Variants in MAP3K7 observed in about 807,000 individuals in gnomAD.
MAP3K7 encodes mitogen-activated protein kinase kinase kinase 7, also known as TGF-beta activated kinase 1.
MAP3K7 carries 21 observed loss-of-function variants against 84.8 expected under a neutral mutation model. The observed-to-expected ratio is 0.25, with a 90% CI of 0.18 to 0.36. The LOEUF (loss-of-function observed/expected upper bound fraction) is 0.36, where lower values mean the gene tolerates loss of function less well. Ranked by LOEUF, MAP3K7 falls within the 10% of genes least tolerant of loss-of-function variation. The pLI is 1.00. For synonymous variants in MAP3K7, 241 were observed against 247.7 expected (o/e 0.97, Z 0.25); for missense variants, 503 against 747.7 (o/e 0.67, Z 3.82).
intron 12 of MAP3K7, among the ~76,000 whole-genome samples, chr6:90,543,275 G>A (rs1775908871): frequency 6.6e-6 from 1 of 151,934 alleles, no homozygotes. Context: ...AATAGCAATA[G>A]TAATGATGTT....
At chr6:90,574,599 C>T (rs2127986056) in intron 1 of MAP3K7, among the ~76,000 whole-genome samples, 1 of 152,318 alleles carries the variant, frequency 6.6e-6, no homozygotes, top group Admixed American at 6.5e-5. Context: ...AAATACATCA[C>T]AGCAACTGGT....
intron 12 of MAP3K7, among the ~76,000 whole-genome samples, chr6:90,543,760 G>T (rs891036423): frequency 6.6e-6 from 1 of 151,958 alleles, no homozygotes; most frequent in East Asian, 1.9e-4. Context: ...AGCCTAAAGG[G>T]ATAAATAAAT....
intron 16 of MAP3K7, among the ~76,000 whole-genome samples, chr6:90,517,458 C>T (rs1392987731): frequency 6.6e-6 from 1 of 151,746 alleles, no homozygotes; most frequent in Non-Finnish European, 1.5e-5. Context: ...TCATAGTTTT[C>T]ACAGCCAACA....
In MAP3K7 at chr6:90,554,683, AAAATT is replaced by A. The variant is rs201616605; in HGVS notation, c.608-1102_608-1098del. 7.6e-3 allele frequency among the ~76,000 whole-genome samples: 1,161 copies of A among 152,324 alleles called. 4 individuals are homozygous for A. The highest frequency in any genetic ancestry group is 9.8e-3 in the Non-Finnish European group (665 of 68,030). On this transcript the variant is annotated intron_variant, in intron 6 of 16. Coordinates refer to ENST00000369329, the MANE Select transcript of MAP3K7 (RefSeq NM_145331.3). ...ACAATTAAGGGTTGTCTAGAGCAAT[AAAATT>A]AATCTTTTGTATAAACAAATCTTTT...
chr6:90,532,817 A>G (rs1253307785), intron 13 of MAP3K7, among the ~76,000 whole-genome samples: 2 of 152,250 alleles, frequency 1.3e-5, no homozygotes, highest in Non-Finnish European at 2.9e-5. Flanking sequence ...GCTACAATTC[A>G]TCATCACTTA....
At chr6:90,530,906 G>A (rs1406481165) in intron 13 of MAP3K7, among the ~76,000 whole-genome samples, 3 of 152,118 alleles carry the variant, frequency 2.0e-5, no homozygotes, top group Non-Finnish European at 4.4e-5. Flanking sequence ...AATTCTGAGG[G>A]TCACAAATGC....
rs780760405 is a variant in MAP3K7, at chr6:90,586,810, A to G, written c.74T>C (p.Val25Ala). Residue 25 changes from valine (V) to alanine (A), a missense_variant, in exon 1 of 17, where the codon GTC becomes GCC. This residue lies in a region of MAP3K7 where 41 missense variants were observed against 41.4 expected (regional missense o/e 0.99). Transcript: ENST00000369329. The part of the protein sequence containing the change: ...AGEMIEAPSQ[V>A]LNFEEIDYKE... ...GTAGTCGATCTCTTCAAAGTTGAGG[A>G]CCTGGGAAGGGGCTTCGATCATCTC... 1 of 1,610,198 alleles carries G rather than the reference A, an allele frequency of 6.2e-7. No homozygotes were observed. The highest frequency in any genetic ancestry group is 8.5e-7 in the Non-Finnish European group (1 of 1,178,316).
At chr6:90,540,146 G>T (rs1245447875) in intron 12 of MAP3K7, among the ~76,000 whole-genome samples, 1 of 151,826 alleles carries the variant, frequency 6.6e-6, no homozygotes, top group Non-Finnish European at 1.5e-5. Flanking sequence ...AGTAAGATCT[G>T]ACTCAAAAAC....
At chr6:90,532,871 C>CA (rs1775552196) in intron 13 of MAP3K7, among the ~76,000 whole-genome samples, 1 of 152,086 alleles carries the variant, frequency 6.6e-6, no homozygotes, top group Admixed American at 6.6e-5. Context: ...TATTAGAAGC[C>CA]AAAATACCTA....
chr6:90,533,444 G>A (rs1775570655), intron 13 of MAP3K7, among the ~76,000 whole-genome samples: 1 of 152,192 alleles, frequency 6.6e-6, no homozygotes, highest in Non-Finnish European at 1.5e-5. Flanking sequence ...CTTTGGTTGA[G>A]TGATTTTGGG....
intron 3 of MAP3K7, among the ~76,000 whole-genome samples, 159 bp from the exon 4 acceptor site, chr6:90,561,826 A>G (rs1354248656): frequency 6.6e-6 from 1 of 152,194 alleles, no homozygotes; most frequent in African/African-American, 2.4e-5. Flanking sequence ...AAAGGTATCT[A>G]TGACCTAAGA....
Position 90,513,908 on chromosome 6 carries a change from A to C in MAP3K7, c.*2593T>G, listed in dbSNP as rs1222533086. On this transcript the variant is annotated 3_prime_UTR_variant, in exon 17 of 17. Transcript: ENST00000369329. ...CAAAAATAGTCAAACATCCGTAAAC[A>C]ACTTGTAACAAATCTTTATATGTTG... 1 of 152,134 alleles carries C rather than the reference A, an allele frequency of 6.6e-6. No individual in the cohort carries two copies. Among genetic ancestry groups the C allele is most frequent in the Non-Finnish European group, 1.5e-5 (1 of 67,996 alleles). 9.4% of individuals were successfully genotyped at this position (152,134 alleles called of 1,614,324 possible).
intron 1 of MAP3K7, among the ~76,000 whole-genome samples, chr6:90,581,585 CACAGT>C (rs1777272403): frequency 6.6e-6 from 1 of 152,144 alleles, no homozygotes; most frequent in Admixed American, 6.5e-5. Context: ...TAATACCTGC[CACAGT>C]ACATCTCACC....
At position 90,514,192 on chromosome 6, in the gene MAP3K7, C is replaced by T. The variant is rs1363691626; in HGVS notation, c.*2309G>A. 1.3e-5 allele frequency: 2 copies of T among 151,942 alleles called. No homozygotes were observed. Among genetic ancestry groups the T allele is most frequent in the African/African-American group, 2.4e-5 (1 of 41,378 alleles). The allele number at this position is 151,942 out of a possible 1,614,324, so 9.4% of individuals were successfully genotyped here. On this transcript the variant is annotated 3_prime_UTR_variant, in exon 17 of 17. Coordinates refer to ENST00000369329, the MANE Select transcript of MAP3K7 (RefSeq NM_145331.3). Reference sequence around the variant, plus strand: ...GTCAAAATAAATTGTAAAACCAGAACGAATAAGTTTGGCTCCTTGTTAACA... The same window carrying T: ...GTCAAAATAAATTGTAAAACCAGAATGAATAAGTTTGGCTCCTTGTTAACA...
At chr6:90,548,001 G>C in intron 10 of MAP3K7, 46 bp downstream of exon 10, 1 of 1,511,332 alleles carries the variant, frequency 6.6e-7, no homozygotes, top group Non-Finnish European at 9.0e-7. Context: ...ATAATATTGT[G>C]ACTACTGGTA....
intron 3 of MAP3K7, among the ~76,000 whole-genome samples, chr6:90,562,756 A>C (rs1038081446): frequency 3.3e-5 from 5 of 152,236 alleles, no homozygotes; most frequent in African/African-American, 1.2e-4. Flanking sequence ...TTGAGATCTG[A>C]GAACGGACAG....
chr6:90,553,332 C>A, intron 7 of MAP3K7, 126 bp downstream of exon 7: 1 of 977,556 alleles, frequency 1.0e-6, no homozygotes, highest in Non-Finnish European at 1.5e-6. Flanking sequence ...GCAAAGCAGT[C>A]TCTTAACAAA....
At chr6:90,517,154 C>T (rs910183365) in intron 16 of MAP3K7, among the ~76,000 whole-genome samples, 2 of 151,736 alleles carry the variant, frequency 1.3e-5, no homozygotes, top group African/African-American at 4.8e-5. Flanking sequence ...AAATGCTATC[C>T]AATTTAAAGC....
chr6:90,555,130 C>A (rs1369150716), intron 6 of MAP3K7, among the ~76,000 whole-genome samples: 1 of 152,180 alleles, frequency 6.6e-6, no homozygotes, highest in African/African-American at 2.4e-5. Flanking sequence ...TATACAGAAA[C>A]CTAGCATATA....
Sources: allele counts gnomAD v4.1 joint callset (sites outside exome capture counted in the v4.1 genomes callset), GRCh38; gene constraint gnomAD v4.1.1; regional missense constraint gnomAD v4.1.1; transcripts MANE v1.5; gene names NCBI Gene and HGNC (gene_info 2026-07-23, HGNC 2026-07-21).